QSER1: variants seen among roughly 807,000 people sequenced by gnomAD.
QSER1 encodes glutamine and serine-rich protein 1.
QSER1 carries 49 observed loss-of-function variants against 158.5 expected under a neutral mutation model. That is an observed-to-expected ratio of 0.31 (90% CI 0.25 to 0.39). The LOEUF (loss-of-function observed/expected upper bound fraction) is 0.39. Among genes scored for constraint, QSER1 ranks in the 10% least tolerant of loss-of-function variants. QSER1 has a pLI of 1.00. For synonymous variants in QSER1, 650 were observed against 715.5 expected, an observed-to-expected ratio of 0.91 and a Z score of 1.46; for missense variants, 1,754 against 2,010.3, an observed-to-expected ratio of 0.87 and a Z score of 2.44.
intron 1 of QSER1, among the ~76,000 whole-genome samples, chr11:32,917,319 A>G (rs1371556673): frequency 6.6e-6 from 1 of 152,166 alleles, no homozygotes; most frequent in Non-Finnish European, 1.5e-5. Context: ...TGCTATGAAC[A>G]TTTATGTACA....
chr11:32,948,245 G>A (rs759065544), intron 4 of QSER1, among the ~76,000 whole-genome samples: 2 of 152,236 alleles, frequency 1.3e-5, no homozygotes, highest in Non-Finnish European at 2.9e-5. Context: ...GTGATGTGAA[G>A]AAGCAAATTT....
intron 8 of QSER1, among the ~76,000 whole-genome samples, chr11:32,963,651 T>C (rs1463013610): frequency 6.6e-6 from 1 of 151,082 alleles, no homozygotes; most frequent in East Asian, 2.0e-4. Flanking sequence ...GCATCCAGCC[T>C]TGCCCAGGCT....
Position 32,934,875 on chromosome 11 carries a change from A to C in QSER1, c.3617A>C (p.Lys1206Thr). Residue 1206 changes from lysine (K) to threonine (T), a missense_variant, in exon 4 of 13, where the codon AAA becomes ACA. Physicochemically the swap from Lys to Thr is moderately conservative, Grantham distance 78 (BLOSUM62 -1). Around this residue, in one of 2 missense-constraint regions of QSER1, gnomAD observed 1,707 missense variants for 1,919.6 expected, o/e 0.89. Transcript: ENST00000650167. ...MHFNLQKKRA[K>T]GKGQVKEEDN... The stretch of plus-strand genomic sequence containing the variant: ...TTTAACCTTCAAAAGAAAAGAGCTA[A>C]AGGAAAAGGGCAAGTTAAAGAGGAA... The C allele has an allele frequency of 1.9e-6, 3 of 1,614,078 alleles. No homozygotes were observed. Among genetic ancestry groups the C allele is most frequent in the Non-Finnish European group, 2.5e-6 (3 of 1,180,002 alleles).
chr11:32,924,872 C>T (rs1851947521), intron 1 of QSER1, among the ~76,000 whole-genome samples: 2 of 152,112 alleles, frequency 1.3e-5, no homozygotes, highest in African/African-American at 4.8e-5. Context: ...GTTTTCCAGT[C>T]CTTACCCCCT....
rs368031810 is a variant in QSER1 at position 32,934,812 on chromosome 11, G to T, written c.3554G>T (p.Ser1185Ile). 2 of 1,613,948 alleles carry T rather than the reference G, an allele frequency of 1.2e-6. No individual in the cohort carries two copies. The highest frequency in any genetic ancestry group is 1.7e-6 in the Non-Finnish European group (2 of 1,180,020). The change falls in exon 4 of 13, where the codon AGT (serine) becomes ATT (isoleucine). Residue 1185 changes from serine to isoleucine, a missense_variant. Ser to Ile is a moderately radical substitution (Grantham distance 142). This residue lies in a region of QSER1 where 1,707 missense variants were observed against 1,919.6 expected (regional missense o/e 0.89). Transcript: ENST00000650167. ...LAMAQSGDAV[S>I]VKIEEENQDL... ...ATGGCCCAATCTGGGGATGCAGTCA[G>T]TGTCAAGATTGAAGAAGAAAACCAA... is the stretch of plus-strand genomic sequence containing the variant.
intron 11 of QSER1, among the ~76,000 whole-genome samples, chr11:32,974,194 G>C (rs1017277636): frequency 2.6e-5 from 4 of 152,198 alleles, no homozygotes; most frequent in Non-Finnish European, 4.4e-5. Flanking sequence ...GCTGAGGCAG[G>C]AGGATCACTT....
At chr11:32,926,609 G>C (rs1241703875) in intron 1 of QSER1, 1 of 152,092 alleles carries the variant, frequency 6.6e-6, no homozygotes, top group Non-Finnish European at 1.5e-5. Context: ...AGAAGAGGGG[G>C]AAAAATCTTG....
intron 2 of QSER1, among the ~76,000 whole-genome samples, chr11:32,927,539 CTGGGA>C (rs1209637578): frequency 2.0e-5 from 3 of 152,162 alleles, no homozygotes; most frequent in African/African-American, 7.2e-5. Flanking sequence ...TCCCGAGTAG[CTGGGA>C]CTACAGGCAC....
chr11:32,966,501 CTGTTAGTTATATGTT>C (rs372426594), intron 9 of QSER1, 64 bp downstream of exon 9: 41,396 of 1,502,948 alleles, frequency 0.028, 709 homozygotes, highest in Non-Finnish European at 0.033. Context: ...GAAATCTTGT[CTGTTAGTTATATGTT>C]TATATGTGAC....
intron 1 of QSER1, among the ~76,000 whole-genome samples, chr11:32,917,147 T>C (rs1432881751): frequency 6.6e-6 from 1 of 152,234 alleles, no homozygotes; most frequent in Non-Finnish European, 1.5e-5. Flanking sequence ...TCATTTAGCA[T>C]AGTACTTCCA....
At chr11:32,954,303 T>C in intron 5 of QSER1, 124 bp downstream of exon 5, 1 of 1,103,310 alleles carries the variant, frequency 9.1e-7, no homozygotes, top group Non-Finnish European at 1.2e-6. Context: ...ATTATAAGTG[T>C]TTGATAAAAT....
chr11:32,934,887 A>G lies in QSER1; in HGVS notation c.3629A>G (p.Gln1210Arg). Residue 1210 changes from glutamine (Q) to arginine (R), a missense_variant, in exon 4 of 13, where the codon CAA becomes CGA. Gln to Arg is a conservative substitution (Grantham distance 43). Around this residue, in one of 2 missense-constraint regions of QSER1, gnomAD observed 1,707 missense variants for 1,919.6 expected, o/e 0.89. Coordinates refer to ENST00000650167, the MANE Select transcript of QSER1 (RefSeq NM_001076786.3). The stretch of plus-strand genomic sequence containing the variant: ...AAGAAAAGAGCTAAAGGAAAAGGGC[A>G]AGTTAAAGAGGAAGACAACAGTAAT... ...LQKKRAKGKG[Q>R]VKEEDNSNQK... The G allele has an allele frequency of 6.2e-7, 1 of 1,613,964 alleles. No individual in the cohort carries two copies. Among genetic ancestry groups the G allele is most frequent in the Non-Finnish European group, 8.5e-7 (1 of 1,179,978 alleles).
chr11:32,955,969 A>T lies in QSER1; in HGVS notation c.4618-19A>T. 1.3e-6 allele frequency: 2 copies of T among 1,593,518 alleles called. No individual in the cohort carries two copies. Among genetic ancestry groups the T allele is most frequent in the Non-Finnish European group, 8.6e-7 (1 of 1,167,644 alleles). On this transcript the variant is annotated intron_variant, in intron 6 of 12. Coordinates refer to ENST00000650167, the MANE Select transcript of QSER1 (RefSeq NM_001076786.3). Reference sequence around the variant, plus strand: ...TCTAGATTGTTCAATTATGTAACTCAAAGTGTTTCCTTCCTCAGTATCTTG... The same window carrying T: ...TCTAGATTGTTCAATTATGTAACTCTAAGTGTTTCCTTCCTCAGTATCTTG...
chr11:32,972,458 T>G (rs1027861931), intron 10 of QSER1, among the ~76,000 whole-genome samples: 4 of 148,698 alleles, frequency 2.7e-5, no homozygotes, highest in Admixed American at 1.4e-4. Context: ...TATTTAGAGA[T>G]AGAGTCTCTC....
intron 1 of QSER1, among the ~76,000 whole-genome samples, chr11:32,912,802 A>T (rs1196747810): frequency 6.6e-6 from 1 of 152,066 alleles, no homozygotes; most frequent in Non-Finnish European, 1.5e-5. Flanking sequence ...GGTCCCAGCT[A>T]CTCAGAAGGC....
intron 1 of QSER1, among the ~76,000 whole-genome samples, chr11:32,923,643 A>G (rs1348445124): frequency 1.4e-5 from 2 of 146,180 alleles, no homozygotes; most frequent in Non-Finnish European, 3.0e-5. Flanking sequence ...ACACCACTAC[A>G]CTCCAGCCTG....
intron 3 of QSER1, among the ~76,000 whole-genome samples, chr11:32,929,139 T>C (rs925925067): frequency 5.9e-5 from 9 of 152,138 alleles, no homozygotes; most frequent in Admixed American, 2.0e-4. Flanking sequence ...TGAGACAGAG[T>C]GTCACTCTGT....
chr11:32,910,762 C>T (rs1192250017), intron 1 of QSER1, among the ~76,000 whole-genome samples: 2 of 152,138 alleles, frequency 1.3e-5, no homozygotes, highest in Non-Finnish European at 2.9e-5. Context: ...GAGTAAAAAT[C>T]AAAATGGACA....
chr11:32,894,629 C>T (rs991948947), intron 1 of QSER1, among the ~76,000 whole-genome samples: 1 of 152,186 alleles, frequency 6.6e-6, no homozygotes, highest in African/African-American at 2.4e-5. Flanking sequence ...CTTAGATTGT[C>T]CATTGGGACG....
Sources: gnomAD v4.1 joint callset for allele counts (sites outside exome capture counted in the v4.1 genomes callset) on GRCh38, gnomAD v4.1.1 for gene constraint, gnomAD v4.1.1 regional missense constraint, MANE v1.5 for transcripts, NCBI Gene and HGNC (gene_info 2026-07-23, HGNC 2026-07-21) for gene names.